The following CASD1 variants were observed in gnomAD, a reference collection of about 807,000 sequenced individuals.
CASD1 encodes the protein N-acetylneuraminate (7)9-O-acetyltransferase.
In CASD1, 41 loss-of-function variants were observed where a neutral mutation model predicts 100.0. That is an observed-to-expected ratio of 0.41 (90% CI 0.32 to 0.53). CASD1 has a LOEUF of 0.53. Among genes scored for constraint, CASD1 ranks in the 20% least tolerant of loss-of-function variants. CASD1 has a pLI of 0.25. For missense variants in CASD1, 774 were observed against 948.7 expected (o/e 0.82, Z 2.42); for synonymous variants, 321 against 315.6 (o/e 1.02, Z -0.18).
At chr7:94,592,385 G>T in the CASD1 span, among the ~76,000 whole-genome samples, 5 of 152,234 alleles carry the variant, frequency 3.3e-5, no homozygotes, top group South Asian at 1.0e-3. Context: ...GGAGCGGGGG[G>T]TCGACTTCAA....
intron 12 of CASD1, among the ~76,000 whole-genome samples, chr7:94,546,579 C>T (rs1795692737): frequency 6.6e-6 from 1 of 151,798 alleles, no homozygotes; most frequent in Admixed American, 6.6e-5. Context: ...TATACAAACC[C>T]AGCATATTAA....
the CASD1 span, among the ~76,000 whole-genome samples, chr7:94,584,366 T>A: frequency 6.6e-6 from 1 of 152,174 alleles, no homozygotes; most frequent in African/African-American, 2.4e-5. Flanking sequence ...AATCTCAAGC[T>A]GATTACTCCT....
chr7:94,538,221 G>C (rs1356126706), intron 9 of CASD1, among the ~76,000 whole-genome samples: 1 of 152,144 alleles, frequency 6.6e-6, no homozygotes, highest in Non-Finnish European at 1.5e-5. Context: ...CTTCAAGCAT[G>C]AGATACTATT....
the CASD1 span, among the ~76,000 whole-genome samples, chr7:94,578,781 TG>T: frequency 6.6e-6 from 1 of 152,200 alleles, no homozygotes; most frequent in Non-Finnish European, 1.5e-5. Context: ...AAGTTGATAC[TG>T]GGCAGAAACC....
the CASD1 span, among the ~76,000 whole-genome samples, chr7:94,607,618 T>C: frequency 6.6e-6 from 1 of 152,052 alleles, no homozygotes. Context: ...AAAAAAAAAT[T>C]CTTAGTAAAC....
At chr7:94,602,403 G>A in the CASD1 span, among the ~76,000 whole-genome samples, 4 of 152,102 alleles carry the variant, frequency 2.6e-5, no homozygotes, top group East Asian at 7.7e-4. Context: ...ATGTTCTCCA[G>A]GATGCAGCTG....
At chr7:94,602,259 C>T in the CASD1 span, among the ~76,000 whole-genome samples, 1 of 151,938 alleles carries the variant, frequency 6.6e-6, no homozygotes, top group South Asian at 2.1e-4. Context: ...GCAAATTTGC[C>T]TATAATAATA....
the CASD1 span, among the ~76,000 whole-genome samples, chr7:94,623,148 C>T: frequency 6.6e-6 from 1 of 152,068 alleles, no homozygotes; most frequent in Non-Finnish European, 1.5e-5. Context: ...TCATAACACA[C>T]CATAATATTT....
chr7:94,528,026 T>C (rs973913513), intron 4 of CASD1, among the ~76,000 whole-genome samples, 162 bp from the exon 5 acceptor site: 3 of 152,230 alleles, frequency 2.0e-5, no homozygotes, highest in Non-Finnish European at 4.4e-5. Flanking sequence ...CAAGGAGAAC[T>C]ATTGTAAGAC....
At chr7:94,553,556 A>C (rs1312108215) in intron 16 of CASD1, among the ~76,000 whole-genome samples, 1 of 152,146 alleles carries the variant, frequency 6.6e-6, no homozygotes, top group Non-Finnish European at 1.5e-5. Flanking sequence ...TTTTCCCTGA[A>C]GTGTGAACAG....
At chr7:94,570,849 T>A in the CASD1 span, among the ~76,000 whole-genome samples, 1 of 152,134 alleles carries the variant, frequency 6.6e-6, no homozygotes, top group Admixed American at 6.5e-5. Flanking sequence ...AAAGCAAAAT[T>A]ACAATAGTAT....
At chr7:94,547,302 ACT>A in intron 13 of CASD1, 127 bp downstream of exon 13, 1 of 582,842 alleles carries the variant, frequency 1.7e-6, no homozygotes, top group Non-Finnish European at 2.9e-6. Context: ...TAAAAGTGTC[ACT>A]CTGAAGCTGA....
the CASD1 span, chr7:94,588,422 A>T: frequency 1.6e-6 from 2 of 1,249,686 alleles, no homozygotes; most frequent in Non-Finnish European, 2.0e-6. Context: ...ACTGAAGGAA[A>T]GGGGTTTCAT....
At chr7:94,585,958 C>T in the CASD1 span, among the ~76,000 whole-genome samples, 1 of 147,710 alleles carries the variant, frequency 6.8e-6, no homozygotes, top group East Asian at 2.1e-4. Flanking sequence ...CTTTTAACTG[C>T]TCTATTATCC....
chr7:94,574,430 A>T, the CASD1 span, among the ~76,000 whole-genome samples: 1 of 152,070 alleles, frequency 6.6e-6, no homozygotes, highest in Non-Finnish European at 1.5e-5. Flanking sequence ...TGTTCAGGGA[A>T]TCAATTTCTT....
rs764312696 is a variant in CASD1, at chr7:94,554,526, G to A, written c.2078G>A (p.Arg693His). The A allele has an allele frequency of 4.3e-6, 7 of 1,611,584 alleles. No individual in the cohort carries two copies. The highest frequency in any genetic ancestry group is 5.1e-6 in the Non-Finnish European group (6 of 1,178,590). Reference sequence around the variant, plus strand: ...ATAAGAAACATCCCTGGATATGCCCGTTCAGTTTACAGTTCATTTTTTGCT... The same window carrying A: ...ATAAGAAACATCCCTGGATATGCCCATTCAGTTTACAGTTCATTTTTTGCT... ...ILIRNIPGYA[R>H]SVYSSFFAWF... Residue 693 changes from arginine to histidine, a missense_variant, in exon 17 of 18, where the codon CGT becomes CAT. Coordinates refer to ENST00000297273, the MANE Select transcript of CASD1 (RefSeq NM_022900.5).
In CASD1 at chr7:94,537,777, G is replaced by A; in HGVS notation, c.1149G>A (p.Met383Ile). ...KLGLIMAYFYMCDRANLFMKE... is the reference protein window; with the variant it reads ...KLGLIMAYFYICDRANLFMKE... Reference sequence around the variant, plus strand: ...GCCTGATTATGGCATATTTCTATATGTGTGACCGTGCAAATCTGTTCATGA... The same window carrying A: ...GCCTGATTATGGCATATTTCTATATATGTGACCGTGCAAATCTGTTCATGA... Residue 383 changes from methionine to isoleucine, a missense_variant, in exon 9 of 18, where the codon ATG becomes ATA. By Grantham distance (10) the Met-to-Ile change is conservative (BLOSUM62 1). Transcript: ENST00000297273. The A allele has an allele frequency of 6.2e-7, 1 of 1,613,352 alleles. No individual in the cohort carries two copies. Among genetic ancestry groups the A allele is most frequent in the Non-Finnish European group, 8.5e-7 (1 of 1,179,560 alleles).
At chr7:94,599,377 A>G in the CASD1 span, 1 of 323,038 alleles carries the variant, frequency 3.1e-6, no homozygotes, top group South Asian at 6.3e-5. Flanking sequence ...GAAAACTTGT[A>G]TGAAAGGTCT....
the CASD1 span, among the ~76,000 whole-genome samples, chr7:94,577,618 G>T: frequency 6.6e-6 from 1 of 152,100 alleles, no homozygotes; most frequent in African/African-American, 2.4e-5. Flanking sequence ...ACATTCATGT[G>T]TAGATTCCAA....
Sources: gnomAD v4.1 joint callset for allele counts (sites outside exome capture counted in the v4.1 genomes callset) on GRCh38, gnomAD v4.1.1 for gene constraint, MANE v1.5 for transcripts, NCBI Gene and HGNC (gene_info 2026-07-23, HGNC 2026-07-21) for gene names.